LPO: variants seen among roughly 807,000 people sequenced by gnomAD.
LPO encodes salivary peroxidase.
LPO carries 70 observed loss-of-function variants against 68.4 expected under a neutral mutation model. The observed-to-expected ratio is 1.02, with a 90% CI of 0.84 to 1.25. The LOEUF is 1.25. LPO is among the 50% of genes most tolerant of loss of function. The pLI is 0.00. For missense variants in LPO, 873 were observed against 908.4 expected, an observed-to-expected ratio of 0.96 and a Z score of 0.50; for synonymous variants, 360 against 357.6, an observed-to-expected ratio of 1.01 and a Z score of -0.08.
At chr17:58,256,885 G>C (rs577316250) in intron 9 of LPO, among the ~76,000 whole-genome samples, 1 of 149,920 alleles carries the variant, frequency 6.7e-6, no homozygotes, top group African/African-American at 2.4e-5. Flanking sequence ...ACATTGAGTT[G>C]CAAACAATCC....
Position 58,239,876 on chromosome 17 carries a change from C to A in LPO, c.-3+1137C>A, listed in dbSNP as rs562554234. ...ACAGTGTGAGAGGCTTGCCGAGGGA[C>A]TATCTCTGCCCTCTCCCTCTGCAAC... is the stretch of plus-strand genomic sequence containing the variant. On this transcript the variant is annotated intron_variant, in intron 1 of 12. Coordinates refer to ENST00000262290, the MANE Select transcript of LPO (RefSeq NM_006151.3). 6.5e-4 allele frequency among the ~76,000 whole-genome samples: 99 copies of A among 152,296 alleles called. 2 individuals are homozygous for A. Among genetic ancestry groups the A allele is most frequent in the Admixed American group, 6.4e-3 (98 of 15,296 alleles).
At position 58,266,255 on chromosome 17, in the gene LPO, C is replaced by A. The variant is rs766797433; in HGVS notation, c.1622C>A (p.Pro541Gln). 6.2e-7 allele frequency: 1 copy of A among 1,614,158 alleles called. No homozygotes were observed. Among genetic ancestry groups the A allele is most frequent in the Non-Finnish European group, 8.5e-7 (1 of 1,180,036 alleles). ...GAGCTGCGCAACAAGCTTTTCCAGCCAACTCACAGGATCCATGGCTTTGAC... is the reference window on the plus strand; with the variant it reads ...GAGCTGCGCAACAAGCTTTTCCAGCAAACTCACAGGATCCATGGCTTTGAC... ...TGELRNKLFQ[P>Q]THRIHGFDLA... Residue 541 changes from proline (P) to glutamine (Q), a missense_variant, in exon 11 of 13, where the codon CCA becomes CAA. Transcript: ENST00000262290.
At chr17:58,243,392 T>C in intron 2 of LPO, 1 of 274,908 alleles carries the variant, frequency 3.6e-6, no homozygotes, top group South Asian at 5.3e-5. Flanking sequence ...GCTAAGGCAG[T>C]ATGACCTCAT....
chr17:58,247,089 G>C (rs958343496), intron 3 of LPO, among the ~76,000 whole-genome samples: 9 of 152,078 alleles, frequency 5.9e-5, no homozygotes, highest in Non-Finnish European at 1.2e-4. Context: ...TCACTCAGAG[G>C]TCATATAATT....
intron 9 of LPO, among the ~76,000 whole-genome samples, chr17:58,264,285 T>G (rs952912645): frequency 5.9e-5 from 9 of 152,250 alleles, no homozygotes; most frequent in Non-Finnish European, 1.2e-4. Flanking sequence ...GTCTTTCCAT[T>G]CTTCTGTATT....
Position 58,249,087 on chromosome 17 carries a change from C to T in LPO, c.353C>T (p.Ser118Phe). 4 of 1,614,194 alleles carry T rather than the reference C, an allele frequency of 2.5e-6. No homozygotes were observed. The highest frequency in any genetic ancestry group is 3.4e-6 in the Non-Finnish European group (4 of 1,180,016). The change falls in exon 5 of 13, where the codon TCT (serine) becomes TTT (phenylalanine). Residue 118 changes from serine (S) to phenylalanine (F), a missense_variant. Ser to Phe is a radical substitution (Grantham distance 155, BLOSUM62 -2). Transcript: ENST00000262290. Reference sequence around the variant, plus strand: ...CCCAGCCTGGACTTGACTTCACTGTCTCTGGAGGTGGGCTGTGGTGCTCCT... The same window carrying T: ...CCCAGCCTGGACTTGACTTCACTGTTTCTGGAGGTGGGCTGTGGTGCTCCT... ...TDPSLDLTSL[S>F]LEVGCGAPAP...
rs71365866 is a variant in LPO, at chr17:58,265,573, CTTTTTTTT to C, written c.1520-561_1520-554del. Among the ~76,000 whole-genome samples the C allele has an allele frequency of 3.5e-5, 3 of 85,224 alleles. 1 individual carries two copies. The highest frequency in any genetic ancestry group is 5.8e-5 in the African/African-American group (1 of 17,202). The allele number at this position is 85,224 out of a possible 152,430, so 55.9% of individuals were successfully genotyped here. A position where few individuals can be genotyped will look rare whatever the true frequency, so the allele number is the denominator to read the frequency against. On this transcript the variant is annotated intron_variant, in intron 10 of 12. Coordinates refer to ENST00000262290, the MANE Select transcript of LPO (RefSeq NM_006151.3). Reference sequence around the variant, plus strand: ...CCATGAACTAGAGCTTTAAAAATACCTTTTTTTTTTTTTTTTTTTTTTTTTTGAGACAG... The same window carrying C: ...CCATGAACTAGAGCTTTAAAAATACCTTTTTTTTTTTTTTTTTTGAGACAG...
chr17:58,243,318 C>A, intron 2 of LPO: 1 of 435,802 alleles, frequency 2.3e-6, no homozygotes. Flanking sequence ...CTTTGCGTGG[C>A]CTTTTTCACT....
chr17:58,265,742 C>T (rs940398640), intron 10 of LPO, among the ~76,000 whole-genome samples: 2 of 151,898 alleles, frequency 1.3e-5, no homozygotes, highest in African/African-American at 4.8e-5. Context: ...ACCCCCATAC[C>T]TGGCTAATTT....
chr17:58,267,427 A>G lies in LPO; in HGVS notation c.1772A>G (p.Lys591Arg). 1 of 1,614,240 alleles carries G rather than the reference A, an allele frequency of 6.2e-7. No homozygotes were observed. Among genetic ancestry groups the G allele is most frequent in the Non-Finnish European group, 8.5e-7 (1 of 1,180,034 alleles). ...GAGTTGAACACAGTGCTGAAGAGCA[A>G]GATGCTGGCCAAGAAGTTACTGGGT... ...LEELNTVLKSKMLAKKLLGLY... is the reference protein window; with the variant it reads ...LEELNTVLKSRMLAKKLLGLY... The change falls in exon 12 of 13, where the codon AAG becomes AGG. Residue 591 changes from lysine to arginine, a missense_variant. Transcript: ENST00000262290.
At position 58,254,804 on chromosome 17, in the gene LPO, C is replaced by A; in HGVS notation, c.1106-7C>A. On this transcript the variant is annotated splice_polypyrimidine_tract_variant and splice_region_variant and intron_variant, in intron 8 of 12. Coordinates refer to ENST00000262290, the MANE Select transcript of LPO (RefSeq NM_006151.3). ...AGAATCTACCTTCCTGCCTTCTGGG[C>A]TTTCAGGAGATTCTCGAGCCTCAGA... 6.2e-7 allele frequency: 1 copy of A among 1,613,678 alleles called. No homozygotes were observed. Among genetic ancestry groups the A allele is most frequent in the Non-Finnish European group, 8.5e-7 (1 of 1,179,756 alleles).
At chr17:58,259,616 AT>A (rs1204848551) in intron 9 of LPO, among the ~76,000 whole-genome samples, 1 of 152,230 alleles carries the variant, frequency 6.6e-6, no homozygotes, top group Non-Finnish European at 1.5e-5. Context: ...AAAAAACCTT[AT>A]GGAAATTTTG....
In LPO at chr17:58,254,908, C is replaced by A; in HGVS notation, c.1203C>A (p.Asn401Lys). The change falls in exon 9 of 13, where the codon AAC becomes AAA. Residue 401 changes from asparagine (N) to lysine (K), a missense_variant. Physicochemically the swap from Asn to Lys is moderately conservative, Grantham distance 94. Coordinates refer to ENST00000262290, the MANE Select transcript of LPO (RefSeq NM_006151.3). ...NRLARELKRL[N>K]PQWDGEKLYQ... ...TGGCCAGAGAACTAAAGAGACTCAA[C>A]CCTCAGTGGGATGGAGAGAAGCTCT... The A allele has an allele frequency of 6.2e-7, 1 of 1,614,134 alleles. No individual in the cohort carries two copies.
chr17:58,240,073 T>C (rs958628696), intron 1 of LPO, among the ~76,000 whole-genome samples: 7 of 152,154 alleles, frequency 4.6e-5, no homozygotes, highest in Admixed American at 3.3e-4. Flanking sequence ...ATATGAGATA[T>C]GGATGAAATA....
At chr17:58,244,407 C>T (rs1440437110) in intron 3 of LPO, 1 of 334,772 alleles carries the variant, frequency 3.0e-6, no homozygotes, top group East Asian at 5.9e-5. Context: ...AGTAAAAGTT[C>T]TTCATTCATC....
At chr17:58,239,691 C>G (rs8178280) in intron 1 of LPO, among the ~76,000 whole-genome samples, 3,520 of 152,138 alleles carry the variant, frequency 0.023, 139 homozygotes, top group African/African-American at 0.08. Context: ...ACATTGAGAA[C>G]CAAAGTCTGG....
In LPO at chr17:58,268,075, C is replaced by CTTTG; in HGVS notation, c.*81_*82insTTTG. 1 of 1,400,720 alleles carries CTTTG rather than the reference C, an allele frequency of 7.1e-7. No individual in the cohort carries two copies. The highest frequency in any genetic ancestry group is 1.0e-6 in the Non-Finnish European group (1 of 1,004,046). 86.8% of individuals were successfully genotyped at this position (1,400,720 alleles called of 1,614,324 possible). On this transcript the variant is annotated 3_prime_UTR_variant, in exon 13 of 13. Coordinates refer to ENST00000262290, the MANE Select transcript of LPO (RefSeq NM_006151.3). ...TTCAATGACCTGGTCCCTTAGAGCT[C>CTTTG]CATATCCCAGTCCCAGCCCTTCTTT...
At chr17:58,254,156 G>T (rs1482461137) in intron 8 of LPO, among the ~76,000 whole-genome samples, 2 of 148,524 alleles carry the variant, frequency 1.3e-5, no homozygotes, top group East Asian at 2.0e-4. Context: ...TAGATATATA[G>T]ATAGATAGAT....
At chr17:58,249,277 C>T (rs1348887586) in intron 5 of LPO, 100 bp downstream of exon 5, 3 of 1,106,972 alleles carry the variant, frequency 2.7e-6, no homozygotes, top group Non-Finnish European at 2.6e-6. Context: ...TCTGCCACTG[C>T]CTTGCCCACC....
Sources: gnomAD v4.1 joint callset for allele counts (sites outside exome capture counted in the v4.1 genomes callset) on GRCh38, gnomAD v4.1.1 for gene constraint, MANE v1.5 for transcripts, NCBI Gene and HGNC (gene_info 2026-07-23, HGNC 2026-07-21) for gene names.